Variants in DOCK3 observed in about 807,000 individuals in gnomAD.
The protein encoded by DOCK3 is dedicator of cytokinesis protein 3.
In DOCK3, 60 loss-of-function variants were observed where a neutral mutation model predicts 265.6. The observed-to-expected ratio is 0.23, with a 90% CI of 0.18 to 0.28. DOCK3 has a LOEUF of 0.28. Ranked by LOEUF, DOCK3 falls within the 10% of genes least tolerant of loss-of-function variation. The pLI, the probability that DOCK3 is intolerant of heterozygous loss-of-function variation, is 1.00. For synonymous variants in DOCK3, 881 were observed against 938.0 expected (o/e 0.94, Z 1.11); for missense variants, 1,981 against 2,594.3 (o/e 0.76, Z 5.14).
intron 9 of DOCK3, among the ~76,000 whole-genome samples, chr3:51,102,185 G>A (rs2083114915): frequency 1.3e-5 from 2 of 152,178 alleles, no homozygotes; most frequent in African/African-American, 2.4e-5. Context: ...GACCGGAGGT[G>A]TTTCTGTCAG....
Position 51,016,949 on chromosome 3 carries a change from T to G in DOCK3, c.316-47499T>G, listed in dbSNP as rs2079365793. Among the ~76,000 whole-genome samples the G allele has an allele frequency of 8.3e-5, 3 of 36,004 alleles. 1 individual carries two copies. Among genetic ancestry groups the G allele is most frequent in the Non-Finnish European group, 1.3e-4 (3 of 22,516 alleles). 23.6% of individuals were successfully genotyped at this position (36,004 alleles called of 152,430 possible). On this transcript the variant is annotated intron_variant, in intron 5 of 52. Coordinates refer to ENST00000266037, the MANE Select transcript of DOCK3 (RefSeq NM_004947.5). ...TAATATATACAATATATGTTATATA[T>G]AATATATATATTATATATATATAAA...
intron 51 of DOCK3, among the ~76,000 whole-genome samples, chr3:51,379,242 C>T (rs2088401531): frequency 6.6e-6 from 1 of 152,228 alleles, no homozygotes; most frequent in Non-Finnish European, 1.5e-5. Context: ...ACTCTGTTGC[C>T]CTCCTCTTAA....
At chr3:50,851,233 A>G (rs1291510338) in intron 3 of DOCK3, among the ~76,000 whole-genome samples, 7 of 152,130 alleles carry the variant, frequency 4.6e-5, no homozygotes, top group South Asian at 4.1e-4. Flanking sequence ...CTGGGCATGT[A>G]GCAGGGAAGG....
At chr3:51,280,066 C>T in intron 26 of DOCK3, 40 bp from the exon 27 acceptor site, 1 of 1,561,928 alleles carries the variant, frequency 6.4e-7, no homozygotes. Flanking sequence ...ACAGCCCTTG[C>T]AATTGGCCAT....
chr3:50,866,166 C>G (rs2047132327), intron 3 of DOCK3, among the ~76,000 whole-genome samples: 1 of 151,920 alleles, frequency 6.6e-6, no homozygotes, highest in Non-Finnish European at 1.5e-5. Context: ...TCTTTTGTTG[C>G]CTGTCCTTTT....
At chr3:51,148,975 G>A (rs1469595986) in intron 10 of DOCK3, among the ~76,000 whole-genome samples, 1 of 152,182 alleles carries the variant, frequency 6.6e-6, no homozygotes, top group African/African-American at 2.4e-5. Context: ...CTATCCATGA[G>A]CATGGAATAT....
chr3:51,246,517 GC>G (rs1324838330), intron 21 of DOCK3, among the ~76,000 whole-genome samples: 1 of 152,186 alleles, frequency 6.6e-6, no homozygotes, highest in African/African-American at 2.4e-5. Context: ...TATTTTAGTT[GC>G]TGATTAAAAT....
At chr3:51,001,560 G>A (rs1575722794) in intron 5 of DOCK3, among the ~76,000 whole-genome samples, 1 of 152,096 alleles carries the variant, frequency 6.6e-6, no homozygotes, top group Non-Finnish European at 1.5e-5. Flanking sequence ...GTCTCTTTCT[G>A]TATATAGACA....
At chr3:50,941,052 A>T (rs1337491697) in intron 5 of DOCK3, among the ~76,000 whole-genome samples, 1 of 152,218 alleles carries the variant, frequency 6.6e-6, no homozygotes, top group Non-Finnish European at 1.5e-5. Context: ...AATGATCCAT[A>T]GAGTAAAAAG....
intron 23 of DOCK3, among the ~76,000 whole-genome samples, chr3:51,264,917 G>A (rs1343853247): frequency 6.6e-6 from 1 of 151,774 alleles, no homozygotes; most frequent in African/African-American, 2.4e-5. Context: ...TCTGGAAGCT[G>A]GTTTTTTGAA....
chr3:50,992,894 T>C (rs2078159559), intron 5 of DOCK3, among the ~76,000 whole-genome samples: 1 of 152,140 alleles, frequency 6.6e-6, no homozygotes, highest in South Asian at 2.1e-4. Flanking sequence ...AATATTAGCC[T>C]ATCGATCAAA....
chr3:50,713,734 C>T (rs1169975761), intron 1 of DOCK3, among the ~76,000 whole-genome samples: 1 of 151,838 alleles, frequency 6.6e-6, no homozygotes. Flanking sequence ...TTGGATGTCT[C>T]CCAGGGACGT....
chr3:51,303,660 C>T (rs1257699970), intron 27 of DOCK3, among the ~76,000 whole-genome samples: 4 of 152,152 alleles, frequency 2.6e-5, no homozygotes, highest in Non-Finnish European at 4.4e-5. Flanking sequence ...AACAATTAAG[C>T]CCCTTTTTGT....
chr3:51,202,924 T>C (rs2088899904), intron 12 of DOCK3, among the ~76,000 whole-genome samples: 1 of 152,150 alleles, frequency 6.6e-6, no homozygotes, highest in Non-Finnish European at 1.5e-5. Flanking sequence ...AACCACATGA[T>C]TATCTCAATA....
chr3:51,303,786 T>C (rs1332339400), intron 27 of DOCK3, among the ~76,000 whole-genome samples: 1 of 152,200 alleles, frequency 6.6e-6, no homozygotes, highest in African/African-American at 2.4e-5. Context: ...TGCCTGCTTC[T>C]TCCTCTGAGA....
At chr3:51,232,349 T>A (rs2108432545) in intron 19 of DOCK3, among the ~76,000 whole-genome samples, 1 of 152,332 alleles carries the variant, frequency 6.6e-6, no homozygotes, top group East Asian at 1.9e-4. Flanking sequence ...TGTGCGTGTA[T>A]CTTTTTCATG....
intron 2 of DOCK3, among the ~76,000 whole-genome samples, chr3:50,781,323 A>G (rs888142763): frequency 7.5e-6 from 1 of 134,044 alleles, no homozygotes; most frequent in Non-Finnish European, 1.5e-5. Context: ...GCTGGAGTGC[A>G]GTGGTGCCAT....
chr3:51,019,789 C>T (rs1237481749), intron 5 of DOCK3, among the ~76,000 whole-genome samples: 1 of 151,898 alleles, frequency 6.6e-6, no homozygotes, highest in Admixed American at 6.6e-5. Flanking sequence ...ATTCATGTCC[C>T]TGCAGAAAAC....
At chr3:51,094,845 G>C (rs1231108529) in intron 9 of DOCK3, among the ~76,000 whole-genome samples, 1 of 151,712 alleles carries the variant, frequency 6.6e-6, no homozygotes, top group African/African-American at 2.4e-5. Flanking sequence ...ATGAATCTGG[G>C]TGCTCCTGTA....
Sources: allele counts gnomAD v4.1 joint callset (sites outside exome capture counted in the v4.1 genomes callset), GRCh38; gene constraint gnomAD v4.1.1; transcripts MANE v1.5; gene names NCBI Gene and HGNC (gene_info 2026-07-23, HGNC 2026-07-21).